GSE1: variants seen among roughly 807,000 people sequenced by gnomAD.
GSE1 encodes the protein genetic suppressor element 1.
In GSE1, 32 loss-of-function variants were observed where a neutral mutation model predicts 112.6. That is an observed-to-expected ratio of 0.28 (90% CI 0.21 to 0.38). The LOEUF is 0.38. GSE1 is among the 10% of genes least tolerant of loss of function. GSE1 has a pLI of 1.00. For synonymous variants in GSE1, 1,115 were observed against 735.6 expected, an observed-to-expected ratio of 1.52 and a Z score of -8.35; for missense variants, 2,348 against 1,699.2, an observed-to-expected ratio of 1.38 and a Z score of -6.71.
Position 85,572,231 on chromosome 16 carries a change from C to T in GSE1, c.37+15868C>T, listed in dbSNP as rs534625250. On this transcript the variant is annotated intron_variant, in intron 1 of 2. Transcript: ENST00000635906. ...CAGCACGCACACACCACATACCACA[C>T]GTACAAAACACACCACACCACACAC... Among the ~76,000 whole-genome samples, 30 of 147,858 alleles carry T rather than the reference C, an allele frequency of 2.0e-4. No homozygotes were observed. The East Asian group carries it at 3.6e-3, about 18-fold the overall frequency.
rs2052850089 is a variant in GSE1 at position 85,666,244 on chromosome 16, T to C, written c.3027T>C (p.Asn1009=). The C allele has an allele frequency of 2.1e-5, 34 of 1,613,746 alleles. No homozygotes were observed. Among genetic ancestry groups the C allele is most frequent in the Non-Finnish European group, 2.9e-5 (34 of 1,180,024 alleles). ...CTGTGCCGCTGTCCCACAGCACCAA[T>C]GGGAAGAGCAAGCCGTGGGAGCCCT... ...DIPVPLSHST[N]GKSKPWEPFV... Residue 1009 remains asparagine, a synonymous_variant, in exon 13 of 16, where the codon AAT becomes AAC. Coordinates refer to ENST00000253458, the MANE Select transcript of GSE1 (RefSeq NM_014615.5).
chr16:85,394,132 C>T (rs927104368), intron 2 of GSE1, among the ~76,000 whole-genome samples: 6 of 148,608 alleles, frequency 4.0e-5, no homozygotes, highest in Non-Finnish European at 5.9e-5. Context: ...TGTCGGGGAC[C>T]GGGGAAGGCT....
At chr16:85,574,103 C>T (rs2046122250) in intron 1 of GSE1, among the ~76,000 whole-genome samples, 1 of 152,300 alleles carries the variant, frequency 6.6e-6, no homozygotes, top group South Asian at 2.1e-4. Flanking sequence ...TGACAAGCAG[C>T]CCCCGGAGCC....
intron 2 of GSE1, among the ~76,000 whole-genome samples, chr16:85,510,125 C>T (rs1220213716): frequency 6.6e-6 from 1 of 152,208 alleles, no homozygotes; most frequent in Non-Finnish European, 1.5e-5. Flanking sequence ...CTGGAGCCCT[C>T]AGGGCTCCCT....
exon 1 of GSE1, chr16:85,169,530 C>T (rs1270258179): frequency 1.4e-5 from 13 of 910,668 alleles, no homozygotes; most frequent in African/African-American, 5.5e-5. Flanking sequence ...CGGCCATGAG[C>T]GGGCGGCCGG....
chr16:85,640,254 C>G lies in GSE1; in HGVS notation c.226+6122C>G, dbSNP rs560996316. Among the ~76,000 whole-genome samples, 7 of 151,302 alleles carry G rather than the reference C, an allele frequency of 4.6e-5. No homozygotes were observed. In the South Asian group the frequency reaches 1.5e-3, roughly 32 times the overall value. ...GGCTTCCCTGCCCACACTTCGCTCC[C>G]TTAACACCGGCCGGGGGCTCATGGT... On this transcript the variant is annotated intron_variant, in intron 2 of 15. Coordinates refer to ENST00000253458, the MANE Select transcript of GSE1 (RefSeq NM_014615.5).
chr16:85,285,943 T>G (rs748941442), intron 1 of GSE1: 1 of 152,280 alleles, frequency 6.6e-6, no homozygotes, highest in Non-Finnish European at 1.5e-5. Context: ...CCAAAGCAAC[T>G]GTGGGCATCA....
intron 1 of GSE1, 106 bp from the exon 2 acceptor site, chr16:85,633,808 C>CCCTGCT: frequency 1.2e-6 from 1 of 810,868 alleles, no homozygotes; most frequent in Non-Finnish European, 2.0e-6. Context: ...CCGGGGCTGC[C>CCCTGCT]CCTGCTCCCT....
At chr16:85,199,876 C>T (rs754137875) in intron 1 of GSE1, among the ~76,000 whole-genome samples, 63 of 152,212 alleles carry the variant, frequency 4.1e-4, no homozygotes, top group Admixed American at 1.6e-3. Context: ...GAGGGGGCTA[C>T]TGCAGTGGTC....
At chr16:85,481,624 T>C (rs2326518) in intron 2 of GSE1, among the ~76,000 whole-genome samples, 10,907 of 152,214 alleles carry the variant, frequency 0.072, 1,262 homozygotes, top group African/African-American at 0.24. Flanking sequence ...TTTCTGGAAG[T>C]GCTTGATGTG....
intron 1 of GSE1, among the ~76,000 whole-genome samples, chr16:85,184,066 C>G (rs996146490): frequency 6.6e-6 from 1 of 152,220 alleles, no homozygotes; most frequent in African/African-American, 2.4e-5. Flanking sequence ...GGCGAACTCA[C>G]TCCCTCAGAA....
At chr16:85,272,524 T>C (rs1200277084) in intron 1 of GSE1, among the ~76,000 whole-genome samples, 10 of 152,144 alleles carry the variant, frequency 6.6e-5, no homozygotes. Context: ...ACCTTCTGAA[T>C]GTCTGTGGGA....
At chr16:85,257,614 A>T (rs956801657) in intron 1 of GSE1, among the ~76,000 whole-genome samples, 1 of 152,254 alleles carries the variant, frequency 6.6e-6, no homozygotes, top group Admixed American at 6.5e-5. Context: ...GAAAAAAACT[A>T]GCCTGGGCAA....
chr16:85,614,156 C>T (rs1209786673), intron 1 of GSE1, among the ~76,000 whole-genome samples: 2 of 151,820 alleles, frequency 1.3e-5, no homozygotes, highest in Non-Finnish European at 2.9e-5. Context: ...TCCGCCGCCC[C>T]CCACCCGCAC....
chr16:85,413,021 G>A lies in GSE1; in HGVS notation c.2464+55378G>A, dbSNP rs529817851. On this transcript the variant is annotated intron_variant, in intron 2 of 2. Coordinates refer to the GSE1 transcript ENST00000637419. ...GAGCCTTTATCGCACACTTAGGAGG[G>A]CCTGGCTTCTGGAAGGTTCCGTGCT... 2.4e-4 allele frequency among the ~76,000 whole-genome samples: 37 copies of A among 152,320 alleles called. No homozygotes were observed. In the East Asian group the frequency reaches 7.0e-3, roughly 29 times the overall value.
intron 1 of GSE1, among the ~76,000 whole-genome samples, chr16:85,587,177 C>T (rs59996022): frequency 3.5e-4 from 52 of 149,408 alleles, no homozygotes; most frequent in Middle Eastern, 3.5e-3. Context: ...AACCCCCCCC[C>T]CCCCAGACCA....
intron 1 of GSE1, among the ~76,000 whole-genome samples, chr16:85,226,079 C>A (rs891767944): frequency 6.6e-6 from 1 of 152,304 alleles, no homozygotes; most frequent in African/African-American, 2.4e-5. Context: ...TGCTGCAGTG[C>A]CCCTGATAGC....
chr16:85,214,967 C>T (rs531245209), intron 1 of GSE1, among the ~76,000 whole-genome samples: 10 of 152,258 alleles, frequency 6.6e-5, no homozygotes, highest in East Asian at 1.9e-4. Context: ...TTGGCCTCTG[C>T]GGGTGGCGGG....
chr16:85,661,054 G>T, intron 8 of GSE1, 92 bp from the exon 9 acceptor site: 5 of 1,263,252 alleles, frequency 4.0e-6, no homozygotes, highest in Non-Finnish European at 5.5e-6. Context: ...TGCGCCATCT[G>T]TGTCATCTTA....
Sources: allele counts gnomAD v4.1 joint callset (sites outside exome capture counted in the v4.1 genomes callset), GRCh38; gene constraint gnomAD v4.1.1; transcripts MANE v1.5; gene names NCBI Gene and HGNC (gene_info 2026-07-23, HGNC 2026-07-21).